PCDHGA1: variants seen among roughly 807,000 people sequenced by gnomAD.
The protein encoded by PCDHGA1 is protocadherin gamma-A1.
Under a neutral mutation model 58.0 loss-of-function variants are expected in PCDHGA1, and 32 were observed. The observed-to-expected ratio is 0.55, with a 90% confidence interval of 0.42 to 0.74. The LOEUF is 0.74. PCDHGA1 is among the 30% of genes least tolerant of loss of function. The pLI, the probability that PCDHGA1 is intolerant of heterozygous loss-of-function variation, is 0.00. For synonymous variants in PCDHGA1, 498 were observed against 501.1 expected (o/e 0.99, Z 0.08); for missense variants, 1,205 against 1,182.3 (o/e 1.02, Z -0.28).
chr5:141,485,338 T>C lies in PCDHGA1; in HGVS notation c.2422-9469T>C, dbSNP rs1259658641. The stretch of plus-strand genomic sequence containing the variant: ...ATGTCGCTCAAGATTTCCTGCTGGA[T>C]ACGGACAGTCTGTCAGCTCGCAGGC... On this transcript the variant is annotated intron_variant, in intron 1 of 3. Coordinates refer to ENST00000517417, the MANE Select transcript of PCDHGA1 (RefSeq NM_018912.3). The surrounding 1 kb of genome is among the most constrained non-coding windows in gnomAD (Gnocchi z 5.7). 1 of 1,614,140 alleles carries C rather than the reference T, an allele frequency of 6.2e-7. No individual in the cohort carries two copies. Among genetic ancestry groups the C allele is most frequent in the Non-Finnish European group, 8.5e-7 (1 of 1,180,006 alleles).
chr5:141,369,299 CATT>C (rs1766146509), intron 1 of PCDHGA1, among the ~76,000 whole-genome samples: 1 of 152,112 alleles, frequency 6.6e-6, no homozygotes. Context: ...AATAACGCAT[CATT>C]GTTAGGCTAC....
intron 1 of PCDHGA1, chr5:141,389,372 G>A: frequency 6.2e-7 from 1 of 1,613,806 alleles, no homozygotes; most frequent in South Asian, 1.1e-5. Flanking sequence ...ACCTGGAGCA[G>A]CGGGAGCTGT....
chr5:141,387,717 C>T (rs2091056709), intron 1 of PCDHGA1: 1 of 1,093,268 alleles, frequency 9.1e-7, no homozygotes, highest in African/African-American at 1.6e-5. Context: ...CCAGCTCAGA[C>T]TCCCCAGCGC....
At chr5:141,415,024 G>C in intron 1 of PCDHGA1, 1 of 1,613,568 alleles carries the variant, frequency 6.2e-7, no homozygotes, top group Non-Finnish European at 8.5e-7. Flanking sequence ...CAAGGCCAGC[G>C]AGCCGGGACT....
chr5:141,441,836 C>T (rs1026890754), intron 1 of PCDHGA1: 2 of 354,006 alleles, frequency 5.6e-6, no homozygotes, highest in Non-Finnish European at 1.1e-5. Flanking sequence ...AATGGCTTCG[C>T]GCTCTTGGAT....
chr5:141,482,144 G>A (rs564178008), intron 1 of PCDHGA1, among the ~76,000 whole-genome samples: 2 of 151,756 alleles, frequency 1.3e-5, no homozygotes, highest in African/African-American at 2.4e-5. Flanking sequence ...GGCATAAAAA[G>A]GTCAAGTCAA....
At chr5:141,467,693 G>C (rs543886467) in intron 1 of PCDHGA1, among the ~76,000 whole-genome samples, 49 of 152,108 alleles carry the variant, frequency 3.2e-4, no homozygotes, top group African/African-American at 1.1e-3. Flanking sequence ...ACAGGGTCTG[G>C]CTCTGTTGCC....
intron 2 of PCDHGA1, among the ~76,000 whole-genome samples, chr5:141,501,334 C>T (rs1462003251): frequency 6.9e-6 from 1 of 145,376 alleles, no homozygotes; most frequent in Non-Finnish European, 1.5e-5. Context: ...CACACACACA[C>T]CCCAAACTCA....
chr5:141,383,144 G>A (rs1306014093), intron 1 of PCDHGA1: 19 of 1,614,132 alleles, frequency 1.2e-5, no homozygotes, highest in Non-Finnish European at 1.4e-5. Flanking sequence ...CAGCGCAGCG[G>A]CAGCTTGGTC....
At chr5:141,447,797 T>C (rs536848880) in intron 1 of PCDHGA1, among the ~76,000 whole-genome samples, 16 of 152,022 alleles carry the variant, frequency 1.1e-4, no homozygotes, top group Admixed American at 7.9e-4. Context: ...TTTAAGAAAA[T>C]AAAATTGGCT....
rs770468191 is a variant in PCDHGA1, at chr5:141,478,296, A to G, written c.2422-16511A>G. On this transcript the variant is annotated intron_variant, in intron 1 of 3. Coordinates refer to ENST00000517417, the MANE Select transcript of PCDHGA1 (RefSeq NM_018912.3). ...AAGTGGAAGCAGTCTAGAGACCTAT[A>G]CCGAGCCCCGGTGAGCTCACTGTAC... is the stretch of plus-strand genomic sequence containing the variant. The G allele has an allele frequency of 9.3e-6, 15 of 1,613,962 alleles. No individual in the cohort carries two copies. Among genetic ancestry groups the G allele is most frequent in the African/African-American group, 6.7e-5 (5 of 74,930 alleles).
In PCDHGA1 at chr5:141,351,908, G is replaced by C. The variant is rs776380537; in HGVS notation, c.2421+18803G>C. ...CGTGAGCCTGCGCGTGTTGGTGGGCGACCTCAATGACAATGCGCCACGGGT... is the reference window on the plus strand; with the variant it reads ...CGTGAGCCTGCGCGTGTTGGTGGGCCACCTCAATGACAATGCGCCACGGGT... On this transcript the variant is annotated intron_variant, in intron 1 of 3. Transcript: ENST00000517417. 5 of 1,613,294 alleles carry C rather than the reference G, an allele frequency of 3.1e-6. No homozygotes were observed. The highest frequency in any genetic ancestry group is 3.3e-5 in the Admixed American group (2 of 59,998).
intron 1 of PCDHGA1, among the ~76,000 whole-genome samples, chr5:141,488,969 CCAAT>C (rs1303368467): frequency 4.6e-5 from 7 of 152,106 alleles, no homozygotes; most frequent in Non-Finnish European, 7.4e-5. Context: ...GACTTTTTGG[CCAAT>C]CAGACTCAGA....
At chr5:141,371,417 T>C in intron 1 of PCDHGA1, 3 of 1,613,948 alleles carry the variant, frequency 1.9e-6, no homozygotes, top group Middle Eastern at 1.6e-4. Context: ...CAGATGAAAA[T>C]GACAATGCCC....
At chr5:141,430,628 C>A in intron 1 of PCDHGA1, 2 of 798,952 alleles carry the variant, frequency 2.5e-6, no homozygotes, top group Non-Finnish European at 3.7e-6. Context: ...TAGGAATGAA[C>A]CATCCCTGGG....
At chr5:141,420,208 A>G (rs1396340813) in intron 1 of PCDHGA1, 1 of 1,612,970 alleles carries the variant, frequency 6.2e-7, no homozygotes, top group Non-Finnish European at 8.5e-7. Flanking sequence ...ACCTCAACAA[A>G]GATAGCATGC....
Position 141,485,813 on chromosome 5 carries a change from G to A in PCDHGA1, c.2422-8994G>A. The A allele has an allele frequency of 1.9e-6, 3 of 1,614,078 alleles. No individual in the cohort carries two copies. Among genetic ancestry groups the A allele is most frequent in the Non-Finnish European group, 2.5e-6 (3 of 1,180,008 alleles). On this transcript the variant is annotated intron_variant, in intron 1 of 3. Coordinates refer to ENST00000517417, the MANE Select transcript of PCDHGA1 (RefSeq NM_018912.3). This position sits in a 1 kb window ranked among gnomAD's most constrained non-coding sequence, Gnocchi z 5.7. ...ATCGGACTACCGCCTGGTGCTGACT[G>A]CTGTCGATGGAGGGAACCCGCCGAG... is the stretch of plus-strand genomic sequence containing the variant.
intron 1 of PCDHGA1, among the ~76,000 whole-genome samples, chr5:141,373,364 G>A (rs576808182): frequency 3.3e-5 from 5 of 152,214 alleles, no homozygotes; most frequent in Non-Finnish European, 7.3e-5. Flanking sequence ...GCACTGTAAT[G>A]AATTGGTTCA....
At chr5:141,347,177 T>TTCTC (rs1363306035) in intron 1 of PCDHGA1, among the ~76,000 whole-genome samples, 31 of 147,210 alleles carry the variant, frequency 2.1e-4, no homozygotes, top group African/African-American at 7.5e-4. Context: ...CTTTCTTTCT[T>TTCTC]TCTTGACAGG....
Sources: allele counts gnomAD v4.1 joint callset (sites outside exome capture counted in the v4.1 genomes callset), GRCh38; gene constraint gnomAD v4.1.1; non-coding constraint Gnocchi (gnomAD v3.1); transcripts MANE v1.5; gene names NCBI Gene and HGNC (gene_info 2026-07-23, HGNC 2026-07-21).